ASAP2: variants seen among roughly 807,000 people sequenced by gnomAD.
The protein encoded by ASAP2 is ArfGAP with SH3 domain, ankyrin repeat and PH domain 2.
ASAP2 carries 45 observed loss-of-function variants against 131.4 expected under a neutral mutation model. The ratio of observed to expected loss-of-function variants is 0.34; its 90% confidence interval spans 0.27 to 0.44. The LOEUF is 0.44. Ranked by LOEUF, ASAP2 falls within the 20% of genes least tolerant of loss-of-function variation. The pLI is 1.00. For missense variants in ASAP2, 1,011 were observed against 1,297.0 expected (o/e 0.78, Z 3.39); for synonymous variants, 510 against 503.0 (o/e 1.01, Z -0.19).
intron 3 of ASAP2, among the ~76,000 whole-genome samples, chr2:9,310,299 G>C (rs1352659038): frequency 6.6e-6 from 1 of 152,184 alleles, no homozygotes; most frequent in Non-Finnish European, 1.5e-5. Flanking sequence ...ACATGATGCA[G>C]GCAAGCCTCA....
intron 1 of ASAP2, among the ~76,000 whole-genome samples, chr2:9,238,267 T>C (rs1327855951): frequency 6.6e-6 from 1 of 152,246 alleles, no homozygotes; most frequent in Non-Finnish European, 1.5e-5. Context: ...TGGTAGACAC[T>C]CTTATGTTAT....
At chr2:9,266,401 C>G (rs1017928356) in intron 1 of ASAP2, among the ~76,000 whole-genome samples, 1 of 152,156 alleles carries the variant, frequency 6.6e-6, no homozygotes, top group African/African-American at 2.4e-5. Context: ...CCCACCTCAG[C>G]CTTCCAAAGT....
chr2:9,318,432 A>G lies in ASAP2; in HGVS notation c.346-92A>G. 4 of 916,840 alleles carry G rather than the reference A, an allele frequency of 4.4e-6. No individual in the cohort carries two copies. In the South Asian group the frequency reaches 5.7e-5, roughly 13 times the overall value. The allele number at this position is 916,840 out of a possible 1,614,324, so 56.8% of individuals were successfully genotyped here. A position where few individuals can be genotyped will look rare whatever the true frequency, so the allele number is the denominator to read the frequency against. On this transcript the variant is annotated intron_variant, in intron 3 of 27. Coordinates refer to ENST00000281419, the MANE Select transcript of ASAP2 (RefSeq NM_003887.3). ...GCCAGGTTTTAGGTGGAGGTGAATC[A>G]TTATCAAATGTTCTCTCTAATGTCC...
rs1031554930 is a variant in ASAP2 at position 9,207,061 on chromosome 2, G to C, written c.-44G>C. On this transcript the variant is annotated 5_prime_UTR_variant, in exon 1 of 28. Transcript: ENST00000281419. The surrounding 1 kb of genome is among the most constrained non-coding windows in gnomAD (Gnocchi z 4.1). The stretch of plus-strand genomic sequence containing the variant: ...GGAGCCTGCTGCGGCAGTTGAGGCG[G>C]CGGCGCCCCTGCGGCTGTGCGCCAG... 21 of 1,455,606 alleles carry C rather than the reference G, an allele frequency of 1.4e-5. No homozygotes were observed. Among genetic ancestry groups the C allele is most frequent in the Non-Finnish European group, 1.7e-5 (19 of 1,095,980 alleles). 90.2% of individuals were successfully genotyped at this position (1,455,606 alleles called of 1,614,324 possible).
At chr2:9,246,875 T>A (rs955168178) in intron 1 of ASAP2, among the ~76,000 whole-genome samples, 4 of 152,136 alleles carry the variant, frequency 2.6e-5, no homozygotes, top group African/African-American at 9.7e-5. Context: ...AGAGTCTTGC[T>A]CCATCATCAG....
chr2:9,220,101 T>A (rs1445440148), intron 1 of ASAP2, among the ~76,000 whole-genome samples: 1 of 152,236 alleles, frequency 6.6e-6, no homozygotes, highest in Non-Finnish European at 1.5e-5. Context: ...TGTTTATTCA[T>A]TCATCAGTTG....
intron 14 of ASAP2, among the ~76,000 whole-genome samples, chr2:9,356,972 C>T (rs1233072518): frequency 1.3e-5 from 2 of 151,910 alleles, no homozygotes; most frequent in African/African-American, 4.8e-5. Context: ...GAGTGGGGGT[C>T]GGGGACTACA....
At chr2:9,317,590 A>T (rs1423421034) in intron 3 of ASAP2, among the ~76,000 whole-genome samples, 1 of 145,308 alleles carries the variant, frequency 6.9e-6, no homozygotes, top group Admixed American at 7.0e-5. Context: ...ACCCGTACAC[A>T]ATCACATTCA....
At chr2:9,259,476 C>T (rs906163250) in intron 1 of ASAP2, among the ~76,000 whole-genome samples, 1 of 152,238 alleles carries the variant, frequency 6.6e-6, no homozygotes, top group Non-Finnish European at 1.5e-5. Context: ...CACCCCTCAG[C>T]CTGGCTTGTA....
chr2:9,392,006 G>T lies in ASAP2; in HGVS notation c.2518+810G>T, dbSNP rs1338221235. 6.6e-6 allele frequency among the ~76,000 whole-genome samples: 1 copy of T among 152,108 alleles called. No individual in the cohort carries two copies. The highest frequency in any genetic ancestry group is 2.4e-5 in the African/African-American group (1 of 41,430). On this transcript the variant is annotated intron_variant, in intron 23 of 27. Coordinates refer to ENST00000281419, the MANE Select transcript of ASAP2 (RefSeq NM_003887.3). This position sits in a 1 kb window ranked among gnomAD's most constrained non-coding sequence, Gnocchi z 4.0. ...AGGGATCCTCCTGCCTTAGCCTCCT[G>T]AGTAGCTGGGATTATTGGTGCAAGC...
chr2:9,224,006 CT>C (rs1390605727), intron 1 of ASAP2, among the ~76,000 whole-genome samples: 1 of 152,148 alleles, frequency 6.6e-6, no homozygotes, highest in Admixed American at 6.5e-5. Context: ...TTGAACTTTG[CT>C]TTATAAATTT....
At position 9,237,891 on chromosome 2, in the gene ASAP2, G is replaced by A. The variant is rs185885377; in HGVS notation, c.126+30661G>A. ...CCCATCTCTTCCCATGATTTTGAGA[G>A]TATGATCTCTGTCCCAATTCAGAAG... On this transcript the variant is annotated intron_variant, in intron 1 of 27. Coordinates refer to ENST00000281419, the MANE Select transcript of ASAP2 (RefSeq NM_003887.3). Among the ~76,000 whole-genome samples, 9 of 152,312 alleles carry A rather than the reference G, an allele frequency of 5.9e-5. No homozygotes were observed. In the East Asian group the frequency reaches 1.7e-3, roughly 29 times the overall value.
intron 19 of ASAP2, among the ~76,000 whole-genome samples, chr2:9,380,207 G>GT (rs906105981): frequency 1.5e-4 from 22 of 150,908 alleles, no homozygotes; most frequent in African/African-American, 3.7e-4. Context: ...TTTGTTTTTT[G>GT]TTTTTTTTGA....
intron 1 of ASAP2, among the ~76,000 whole-genome samples, chr2:9,224,798 T>C (rs912700186): frequency 6.6e-6 from 1 of 152,246 alleles, no homozygotes. Context: ...TGTCCATCCA[T>C]TGATCCATCT....
chr2:9,337,068 A>C (rs1671251398), intron 9 of ASAP2, among the ~76,000 whole-genome samples: 1 of 152,260 alleles, frequency 6.6e-6, no homozygotes, highest in Non-Finnish European at 1.5e-5. Context: ...AGTAATAACA[A>C]ATTTACCAGC....
chr2:9,403,156 T>C, intron 27 of ASAP2, 97 bp from the exon 28 acceptor site: 1 of 980,404 alleles, frequency 1.0e-6, no homozygotes, highest in Non-Finnish European at 1.6e-6. Context: ...TCTGAACCAA[T>C]CTTGCTTTTC....
chr2:9,324,305 G>C (rs1258510736), intron 6 of ASAP2, among the ~76,000 whole-genome samples: 1 of 152,234 alleles, frequency 6.6e-6, no homozygotes, highest in Middle Eastern at 3.2e-3. Flanking sequence ...CAGCAGAGAG[G>C]AATCAGTCCC....
chr2:9,274,421 C>G (rs1666617010), intron 1 of ASAP2, among the ~76,000 whole-genome samples: 1 of 144,510 alleles, frequency 6.9e-6, no homozygotes, highest in Non-Finnish European at 1.5e-5. Flanking sequence ...CCCCCAGGTT[C>G]AAGCGATTCT....
At position 9,267,580 on chromosome 2, in the gene ASAP2, A is replaced by G. The variant is rs562373368; in HGVS notation, c.127-11737A>G. On this transcript the variant is annotated intron_variant, in intron 1 of 27. Coordinates refer to ENST00000281419, the MANE Select transcript of ASAP2 (RefSeq NM_003887.3). ...CCTGGGTTGATTCCATGTCTTTGCT[A>G]TTGATACAAATGACATTTAAAGAAT... Among the ~76,000 whole-genome samples the G allele has an allele frequency of 4.6e-5, 7 of 152,142 alleles. No individual in the cohort carries two copies. In the East Asian group the frequency reaches 1.4e-3, roughly 29 times the overall value.
Sources: gnomAD v4.1 joint callset for allele counts (sites outside exome capture counted in the v4.1 genomes callset) on GRCh38, gnomAD v4.1.1 for gene constraint, Gnocchi (gnomAD v3.1) non-coding constraint, MANE v1.5 for transcripts, NCBI Gene and HGNC (gene_info 2026-07-23, HGNC 2026-07-21) for gene names.